The following FAAH2 variants were observed in gnomAD, a reference collection of about 807,000 sequenced individuals.
The protein encoded by FAAH2 is fatty-acid amide hydrolase 2.
FAAH2 carries 60 observed loss-of-function variants against 36.9 expected under a neutral mutation model. The ratio of observed to expected loss-of-function variants is 1.63; its 90% confidence interval spans 1.32 to 2.02. The LOEUF is 2.02. Among genes scored for constraint, FAAH2 ranks in the 30% most tolerant of loss-of-function variants. FAAH2 has a pLI of 0.00. For missense variants in FAAH2, 689 were observed against 397.5 expected (o/e 1.73, Z -6.23); for synonymous variants, 214 against 143.8 (o/e 1.49, Z -3.49).
At chrX:57,445,021 C>T (rs2056643907) in intron 8 of FAAH2, among the ~76,000 whole-genome samples, 1 of 111,527 alleles carries the variant, frequency 9.0e-6, no homozygotes, top group Non-Finnish European at 1.9e-5. Flanking sequence ...GTTATGTTTT[C>T]CTGGATGTTT....
chrX:57,229,775 A>T, the FAAH2 span, among the ~76,000 whole-genome samples: 1 of 111,879 alleles, frequency 8.9e-6, no homozygotes, highest in East Asian at 2.8e-4. Flanking sequence ...CTTGTTACCC[A>T]TAATAGTTTC....
chrX:57,443,016 G>A (rs1055016745), intron 8 of FAAH2, among the ~76,000 whole-genome samples: 5 of 111,721 alleles, frequency 4.5e-5, no homozygotes, highest in Admixed American at 1.9e-4. Context: ...TGGGTAACCC[G>A]ACCTTTCTCT....
intron 7 of FAAH2, chrX:57,393,046 C>A: frequency 2.2e-6 from 2 of 898,836 alleles, no homozygotes; most frequent in Admixed American, 4.4e-5. Flanking sequence ...CTCTGGACAG[C>A]CTGAGCCAGG....
At chrX:57,356,427 C>G (rs1297796716) in intron 5 of FAAH2, among the ~76,000 whole-genome samples, 1 of 110,923 alleles carries the variant, frequency 9.0e-6, no homozygotes, top group East Asian at 2.8e-4. Context: ...GATTCAATTT[C>G]TTTACTAGCT....
chrX:57,286,890 G>A lies in FAAH2; in HGVS notation c.65G>A (p.Gly22Asp). ...FLLRALGFLI[G>D]LVGRAALVLG... The stretch of plus-strand genomic sequence containing the variant: ...TTGCGGGCGCTAGGCTTTCTCATAG[G>A]CTTAGTAGGCCGAGCAGCTTTAGTC... Residue 22 changes from glycine to aspartate, a missense_variant, in exon 1 of 11, where the codon GGC becomes GAC. Physicochemically the swap from Gly to Asp is moderately conservative, Grantham distance 94 (BLOSUM62 -1). Coordinates refer to ENST00000374900, the MANE Select transcript of FAAH2 (RefSeq NM_174912.4). 2.5e-6 allele frequency: 3 copies of A among 1,203,395 alleles called. No homozygotes were observed. Among genetic ancestry groups the A allele is most frequent in the Non-Finnish European group, 3.4e-6 (3 of 891,494 alleles).
chrX:57,166,199 G>A, the FAAH2 span, among the ~76,000 whole-genome samples: 3 of 109,856 alleles, frequency 2.7e-5, no homozygotes, highest in Admixed American at 1.9e-4. Context: ...CCCCCCTCTG[G>A]CTTTCCATCC....
At chrX:57,390,384 A>G (rs919860319) in intron 7 of FAAH2, among the ~76,000 whole-genome samples, 1 of 111,188 alleles carries the variant, frequency 9.0e-6, no homozygotes, top group African/African-American at 3.3e-5. Flanking sequence ...ATGTTGTTAA[A>G]TGGATATATT....
intron 7 of FAAH2, among the ~76,000 whole-genome samples, chrX:57,405,273 T>G (rs1444703394): frequency 9.0e-6 from 1 of 111,485 alleles, no homozygotes; most frequent in African/African-American, 3.3e-5. Context: ...GCAAGCCTCG[T>G]GTTCTCTGAC....
chrX:57,147,387 G>A, the FAAH2 span, among the ~76,000 whole-genome samples: 7 of 111,432 alleles, frequency 6.3e-5, no homozygotes, highest in East Asian at 2.0e-3. Flanking sequence ...GTATTTCTGT[G>A]GTGTCGGTTG....
At chrX:57,252,114 C>T in the FAAH2 span, among the ~76,000 whole-genome samples, 11 of 112,766 alleles carry the variant, frequency 9.8e-5, no homozygotes, top group South Asian at 4.0e-3. Context: ...GCCTTGCTCG[C>T]TGCTAGTGAA....
chrX:57,462,039 G>A (rs1321805720), intron 10 of FAAH2, among the ~76,000 whole-genome samples: 1 of 108,937 alleles, frequency 9.2e-6, no homozygotes, highest in South Asian at 4.0e-4. Context: ...AAATAAACTA[G>A]AAAATCTAGA....
At chrX:57,373,138 G>C (rs146597838) in intron 5 of FAAH2, among the ~76,000 whole-genome samples, 2 of 111,243 alleles carry the variant, frequency 1.8e-5, no homozygotes, top group African/African-American at 6.5e-5. Context: ...TGACTGATGG[G>C]GATTTGGGCT....
At chrX:57,196,297 G>T in the FAAH2 span, among the ~76,000 whole-genome samples, 2 of 111,688 alleles carry the variant, frequency 1.8e-5, no homozygotes, top group Non-Finnish European at 3.8e-5. Context: ...AGGTATATTT[G>T]TAAGTATTTT....
the FAAH2 span, among the ~76,000 whole-genome samples, chrX:57,177,381 C>G: frequency 9.4e-6 from 1 of 106,324 alleles, no homozygotes; most frequent in Admixed American, 1.0e-4. Flanking sequence ...CTCCTGCAAC[C>G]TGGAAGGCAC....
At chrX:57,385,204 C>T (rs2054983438) in intron 7 of FAAH2, among the ~76,000 whole-genome samples, 1 of 106,116 alleles carries the variant, frequency 9.4e-6, no homozygotes, top group African/African-American at 3.5e-5. Context: ...GGGTGCAGCA[C>T]ACCAACATGG....
At chrX:57,290,480 T>C (rs942053837) in intron 1 of FAAH2, among the ~76,000 whole-genome samples, 4 of 111,711 alleles carry the variant, frequency 3.6e-5, no homozygotes, top group Non-Finnish European at 7.5e-5. Context: ...AAAAAGTACA[T>C]GTAACTTTCT....
At chrX:57,254,937 G>A in the FAAH2 span, among the ~76,000 whole-genome samples, 1 of 111,124 alleles carries the variant, frequency 9.0e-6, no homozygotes, top group Non-Finnish European at 1.9e-5. Context: ...AGAACTGAAG[G>A]AGATTGAGAC....
At chrX:57,438,433 T>C (rs749511381) in intron 8 of FAAH2, among the ~76,000 whole-genome samples, 2 of 107,496 alleles carry the variant, frequency 1.9e-5, no homozygotes, top group African/African-American at 6.7e-5. Context: ...AAAGAAAAAG[T>C]AGATGACACA....
At chrX:57,234,610 C>T in the FAAH2 span, among the ~76,000 whole-genome samples, 4 of 111,745 alleles carry the variant, frequency 3.6e-5, no homozygotes, top group Non-Finnish European at 5.6e-5. Context: ...GATCATCAGG[C>T]ATCCAATTCT....
Sources: allele counts gnomAD v4.1 joint callset (sites outside exome capture counted in the v4.1 genomes callset), GRCh38; gene constraint gnomAD v4.1.1; transcripts MANE v1.5; gene names NCBI Gene and HGNC (gene_info 2026-07-23, HGNC 2026-07-21).